GRM7: variants seen among roughly 807,000 people sequenced by gnomAD.
GRM7 encodes metabotropic glutamate receptor 7.
GRM7 carries 35 observed loss-of-function variants against 84.5 expected under a neutral mutation model. That is an observed-to-expected ratio of 0.41 (90% CI 0.32 to 0.55). The LOEUF (loss-of-function observed/expected upper bound fraction) is 0.55. Among genes scored for constraint, GRM7 ranks in the 20% least tolerant of loss-of-function variants. The pLI is 0.19. For synonymous variants in GRM7, 487 were observed against 455.1 expected, an observed-to-expected ratio of 1.07 and a Z score of -0.89; for missense variants, 1,003 against 1,194.6, an observed-to-expected ratio of 0.84 and a Z score of 2.36.
Position 7,133,580 on chromosome 3 carries a change from C to T in GRM7, c.520-12872C>T, listed in dbSNP as rs187132824. 9.9e-5 allele frequency among the ~76,000 whole-genome samples: 15 copies of T among 152,278 alleles called. No homozygotes were observed. The East Asian group carries it at 2.3e-3, about 24-fold the overall frequency. On this transcript the variant is annotated intron_variant, in intron 1 of 9. Coordinates refer to ENST00000357716, the MANE Select transcript of GRM7 (RefSeq NM_000844.4). Reference sequence around the variant, plus strand: ...AGAGATTTGACATTTATATTGCTAGCAAAATACCTCAAAAGTCAACCTTTA... The same window carrying T: ...AGAGATTTGACATTTATATTGCTAGTAAAATACCTCAAAAGTCAACCTTTA...
At chr3:7,297,443 G>T (rs935309414) in intron 2 of GRM7, among the ~76,000 whole-genome samples, 3 of 152,078 alleles carry the variant, frequency 2.0e-5, no homozygotes, top group African/African-American at 7.2e-5. Flanking sequence ...TGCTTGAAAA[G>T]AATAAATGCA....
intron 1 of GRM7, among the ~76,000 whole-genome samples, chr3:6,910,585 G>T (rs1243185059): frequency 6.6e-6 from 1 of 152,114 alleles, no homozygotes; most frequent in Non-Finnish European, 1.5e-5. Context: ...TAAAAGGAGT[G>T]TTCTCTTTAG....
At chr3:7,267,092 TG>T (rs1698669822) in intron 2 of GRM7, among the ~76,000 whole-genome samples, 1 of 152,214 alleles carries the variant, frequency 6.6e-6, no homozygotes, top group Non-Finnish European at 1.5e-5. Context: ...TCTGTGTATT[TG>T]GAATTTGTAG....
intron 8 of GRM7, among the ~76,000 whole-genome samples, chr3:7,598,116 G>A (rs570157253): frequency 6.6e-6 from 1 of 152,298 alleles, no homozygotes; most frequent in South Asian, 2.1e-4. Flanking sequence ...TGGATCTTAG[G>A]ACTCTTCTTC....
intron 1 of GRM7, among the ~76,000 whole-genome samples, chr3:7,017,071 G>A (rs1466589919): frequency 6.6e-6 from 1 of 152,126 alleles, no homozygotes; most frequent in African/African-American, 2.4e-5. Flanking sequence ...CTTAAAACTT[G>A]GGAGCCATTG....
At chr3:7,655,050 A>T (rs866922731) in intron 8 of GRM7, among the ~76,000 whole-genome samples, 4 of 152,186 alleles carry the variant, frequency 2.6e-5, no homozygotes, top group South Asian at 2.1e-4. Context: ...GACCCATTTT[A>T]ACAAGAGAAG....
At chr3:7,356,561 C>G (rs946825943) in intron 4 of GRM7, among the ~76,000 whole-genome samples, 2 of 152,066 alleles carry the variant, frequency 1.3e-5, no homozygotes, top group Non-Finnish European at 2.9e-5. Flanking sequence ...CTTCAGCCTC[C>G]CAAAGTGCTA....
At chr3:7,216,837 G>T (rs1233702468) in intron 2 of GRM7, among the ~76,000 whole-genome samples, 2 of 152,136 alleles carry the variant, frequency 1.3e-5, no homozygotes, top group Non-Finnish European at 2.9e-5. Flanking sequence ...TTGTTTAATG[G>T]ATGGTGTTGG....
chr3:7,556,084 C>T (rs1693743561), intron 7 of GRM7, among the ~76,000 whole-genome samples: 1 of 152,004 alleles, frequency 6.6e-6, no homozygotes, highest in Non-Finnish European at 1.5e-5. Context: ...CACAGAAGTC[C>T]AAGATCAAGG....
intron 2 of GRM7, among the ~76,000 whole-genome samples, chr3:7,285,536 G>C (rs139013432): frequency 6.6e-6 from 1 of 152,068 alleles, no homozygotes. Flanking sequence ...ATAAGGGGTG[G>C]TTGTCCAAAA....
At chr3:7,059,031 T>C (rs1337121812) in intron 1 of GRM7, among the ~76,000 whole-genome samples, 1 of 151,878 alleles carries the variant, frequency 6.6e-6, no homozygotes, top group East Asian at 1.9e-4. Context: ...AATGATTTCC[T>C]TATTAACGCT....
intron 8 of GRM7, among the ~76,000 whole-genome samples, chr3:7,615,090 T>G (rs147502613): frequency 0.013 from 1,953 of 152,278 alleles, 39 homozygotes; most frequent in East Asian, 0.048. Flanking sequence ...TATTTGAAAG[T>G]AATATGCCTT....
At chr3:7,565,405 A>T (rs1694214500) in intron 7 of GRM7, among the ~76,000 whole-genome samples, 1 of 152,192 alleles carries the variant, frequency 6.6e-6, no homozygotes, top group South Asian at 2.1e-4. Context: ...ATTTTTGCAT[A>T]ATTACAAATC....
intron 2 of GRM7, among the ~76,000 whole-genome samples, chr3:7,232,167 T>C (rs367820611): frequency 9.2e-5 from 14 of 152,004 alleles, no homozygotes; most frequent in African/African-American, 2.9e-4. Flanking sequence ...ATAGCACACA[T>C]GTATGCTAGG....
chr3:6,989,422 G>T (rs1694549672), intron 1 of GRM7, among the ~76,000 whole-genome samples: 2 of 152,174 alleles, frequency 1.3e-5, no homozygotes, highest in South Asian at 4.2e-4. Context: ...CATAGTTAGG[G>T]GATGGATCCA....
Position 7,680,189 on chromosome 3 carries a change from G to A in GRM7, c.2592G>A (p.Lys864=). 1 of 1,614,200 alleles carries A rather than the reference G, an allele frequency of 6.2e-7. No homozygotes were observed. Among genetic ancestry groups the A allele is most frequent in the Non-Finnish European group, 8.5e-7 (1 of 1,180,020 alleles). Residue 864 remains lysine (K), a synonymous_variant, in exon 9 of 10, where the codon AAG becomes AAA. Transcript: ENST00000357716. ...LNVQKRKRSF[K]AVVTAATMSS... The stretch of plus-strand genomic sequence containing the variant: ...TCCAGAAACGGAAGCGAAGCTTCAA[G>A]GCGGTAGTCACAGCAGCCACCATGT...
At chr3:7,374,472 T>TATC (rs1382030710) in intron 4 of GRM7, among the ~76,000 whole-genome samples, 1 of 151,550 alleles carries the variant, frequency 6.6e-6, no homozygotes, top group East Asian at 1.9e-4. Flanking sequence ...AGCTATTTAT[T>TATC]ATCATTATTA....
chr3:7,581,713 GA>G (rs1695261037), intron 8 of GRM7, among the ~76,000 whole-genome samples: 1 of 152,040 alleles, frequency 6.6e-6, no homozygotes, highest in African/African-American at 2.4e-5. Flanking sequence ...ATTATAACAG[GA>G]AAAATAAGAT....
At chr3:7,629,228 G>A (rs1697757907) in intron 8 of GRM7, among the ~76,000 whole-genome samples, 1 of 152,126 alleles carries the variant, frequency 6.6e-6, no homozygotes, top group Admixed American at 6.6e-5. Context: ...GTAATAGATA[G>A]TACTATATAA....
Sources: allele counts gnomAD v4.1 joint callset (sites outside exome capture counted in the v4.1 genomes callset), GRCh38; gene constraint gnomAD v4.1.1; transcripts MANE v1.5; gene names NCBI Gene and HGNC (gene_info 2026-07-23, HGNC 2026-07-21).